Variants in MAP3K21 observed in about 807,000 individuals in gnomAD.
The protein encoded by MAP3K21 is mitogen-activated protein kinase kinase kinase MLK4.
MAP3K21 carries 63 observed loss-of-function variants against 86.1 expected under a neutral mutation model. The ratio of observed to expected loss-of-function variants is 0.73; its 90% CI spans 0.60 to 0.90. The LOEUF (loss-of-function observed/expected upper bound fraction) is 0.90, where lower values mean the gene tolerates loss of function less well. Ranked by LOEUF, MAP3K21 falls within the 40% of genes least tolerant of loss-of-function variation. The probability of loss-of-function intolerance (pLI) is 0.00; values close to 1 mark genes in which losing one functional copy is unlikely to be tolerated. For synonymous variants in MAP3K21, 558 were observed against 564.8 expected (o/e 0.99, Z 0.17); for missense variants, 1,220 against 1,367.7 (o/e 0.89, Z 1.70).
chr1:233,352,578 G>A (rs1213287500), intron 2 of MAP3K21, among the ~76,000 whole-genome samples: 3 of 151,868 alleles, frequency 2.0e-5, no homozygotes, highest in African/African-American at 4.8e-5. Flanking sequence ...CTGCAGGCAC[G>A]CACCACCATG....
chr1:233,346,589 C>T lies in MAP3K21; in HGVS notation c.953C>T (p.Ser318Phe), dbSNP rs1663146032. ...YAWMAPEVIKSSLFSKGSDIW... is the reference protein window; with the variant it reads ...YAWMAPEVIKFSLFSKGSDIW... ...TGGATGGCCCCCGAAGTGATCAAGTCTTCCTTGTTTTCTAAGGGAAGCGAC... is the reference window on the plus strand; with the variant it reads ...TGGATGGCCCCCGAAGTGATCAAGTTTTCCTTGTTTTCTAAGGGAAGCGAC... The change falls in exon 2 of 10, where the codon TCT (serine) becomes TTT (phenylalanine). Residue 318 changes from serine to phenylalanine, a missense_variant. Transcript: ENST00000366624. The T allele has an allele frequency of 1.2e-6, 2 of 1,613,770 alleles. No individual in the cohort carries two copies. The highest frequency in any genetic ancestry group is 1.7e-5 in the Admixed American group (1 of 59,906).
At chr1:233,375,521 C>T (rs1663775950) in intron 6 of MAP3K21, among the ~76,000 whole-genome samples, 1 of 152,026 alleles carries the variant, frequency 6.6e-6, no homozygotes, top group South Asian at 2.1e-4. Flanking sequence ...ATGTTTGTGC[C>T]TCTAGGTCAA....
intron 2 of MAP3K21, among the ~76,000 whole-genome samples, chr1:233,350,337 G>T (rs903233445): frequency 6.6e-6 from 1 of 151,932 alleles, no homozygotes; most frequent in Non-Finnish European, 1.5e-5. Context: ...AGAAACTACC[G>T]ATCCCTGGCG....
At chr1:233,378,686 C>T (rs769707338) in intron 8 of MAP3K21, among the ~76,000 whole-genome samples, 7 of 152,028 alleles carry the variant, frequency 4.6e-5, no homozygotes, top group African/African-American at 1.4e-4. Flanking sequence ...AACAGCTTCC[C>T]GAAGCATAGG....
intron 1 of MAP3K21, among the ~76,000 whole-genome samples, chr1:233,337,261 A>G (rs1249037893): frequency 6.6e-6 from 1 of 152,210 alleles, no homozygotes; most frequent in African/African-American, 2.4e-5. Flanking sequence ...CAGTGTTCCA[A>G]TAAAACTTTA....
intron 5 of MAP3K21, among the ~76,000 whole-genome samples, chr1:233,371,579 C>T (rs370642101): frequency 1.3e-5 from 2 of 152,052 alleles, no homozygotes; most frequent in African/African-American, 4.8e-5. Flanking sequence ...AGGCTGGTCT[C>T]GAACTTCTAG....
chr1:233,343,327 C>T (rs1663073536), intron 1 of MAP3K21, among the ~76,000 whole-genome samples: 1 of 152,182 alleles, frequency 6.6e-6, no homozygotes, highest in Non-Finnish European at 1.5e-5. Flanking sequence ...ATTACCATGT[C>T]TCAGCCACTG....
chr1:233,379,041 C>G lies in MAP3K21; in HGVS notation c.2035C>G (p.Gln679Glu). 3 of 1,614,192 alleles carry G rather than the reference C, an allele frequency of 1.9e-6. No homozygotes were observed. Among genetic ancestry groups the G allele is most frequent in the South Asian group, 2.2e-5 (2 of 91,084 alleles). The part of the protein sequence containing the change: ...YIDLPLGKDA[Q>E]RENPAEAESW... ...TGATCTACCTCTTGGGAAAGATGCT[C>G]AGAGAGAGAATCCTGCAGAAGCTGA... The change falls in exon 9 of 10, where the codon CAG becomes GAG. Residue 679 changes from glutamine to glutamate, a missense_variant. By Grantham distance (29) the Gln-to-Glu change is conservative. Transcript: ENST00000366624.
chr1:233,357,753 A>C (rs1335854443), intron 4 of MAP3K21, among the ~76,000 whole-genome samples: 3 of 152,302 alleles, frequency 2.0e-5, no homozygotes, highest in East Asian at 1.9e-4. Flanking sequence ...CTGCCCATGC[A>C]TGGGGAGGAC....
intron 5 of MAP3K21, 91 bp downstream of exon 5, chr1:233,362,384 G>A: frequency 7.1e-7 from 1 of 1,409,748 alleles, no homozygotes; most frequent in Non-Finnish European, 9.8e-7. Flanking sequence ...AAAGAGATAG[G>A]GAAGTAACTT....
At chr1:233,338,132 T>C (rs1662951034) in intron 1 of MAP3K21, among the ~76,000 whole-genome samples, 1 of 152,220 alleles carries the variant, frequency 6.6e-6, no homozygotes, top group Admixed American at 6.5e-5. Context: ...TAAGTGATTT[T>C]CTCATTAAAA....
In MAP3K21 at chr1:233,384,440, C is replaced by T. The variant is rs1572261788; in HGVS notation, c.*1729C>T. 1 of 152,132 alleles carries T rather than the reference C, an allele frequency of 6.6e-6. No individual in the cohort carries two copies. The highest frequency in any genetic ancestry group is 1.5e-5 in the Non-Finnish European group (1 of 68,014). The allele number at this position is 152,132 out of a possible 1,614,324, so 9.4% of individuals were successfully genotyped here. A position where few individuals can be genotyped will look rare whatever the true frequency, so the allele number is the denominator to read the frequency against. On this transcript the variant is annotated 3_prime_UTR_variant, in exon 10 of 10. Transcript: ENST00000366624. Reference sequence around the variant, plus strand: ...TTGTTTTATCATCTGTTCTATGATTCGGCTTCACTTTGTGTGGTTATTGAA... The same window carrying T: ...TTGTTTTATCATCTGTTCTATGATTTGGCTTCACTTTGTGTGGTTATTGAA...
At chr1:233,371,749 T>TTGTGTGTGTGTGTGTGTG (rs71574858) in intron 5 of MAP3K21, among the ~76,000 whole-genome samples, 13 of 147,774 alleles carry the variant, frequency 8.8e-5, no homozygotes, top group African/African-American at 3.0e-4. Flanking sequence ...ATATTTTCCT[T>TTGTGTGTGTGTGTGTGTG]TGTGTGTGTG....
chr1:233,352,900 G>A (rs1212232770), intron 2 of MAP3K21, among the ~76,000 whole-genome samples: 2 of 152,194 alleles, frequency 1.3e-5, no homozygotes, highest in African/African-American at 4.8e-5. Flanking sequence ...TACTGACTTG[G>A]ATAGCAGAAG....
intron 5 of MAP3K21, among the ~76,000 whole-genome samples, chr1:233,370,077 T>G (rs771764327): frequency 9.9e-5 from 15 of 152,052 alleles, no homozygotes; most frequent in Non-Finnish European, 1.0e-4. Context: ...GGGGGCCAAA[T>G]GTGGATGCAG....
At chr1:233,338,665 C>G (rs1022895237) in intron 1 of MAP3K21, among the ~76,000 whole-genome samples, 16 of 152,062 alleles carry the variant, frequency 1.1e-4, no homozygotes, top group African/African-American at 3.9e-4. Flanking sequence ...AAACAAGAGG[C>G]CAGTGTGCTG....
rs1204722024 is a variant in MAP3K21, at chr1:233,384,329, T to C, written c.*1618T>C. On this transcript the variant is annotated 3_prime_UTR_variant, in exon 10 of 10. Coordinates refer to ENST00000366624, the MANE Select transcript of MAP3K21 (RefSeq NM_032435.3). ...GATGAGAAACAGTATGAAAGGATTG[T>C]ATTAACATGGTAAGTTTTGCCCTAA... 9.2e-5 allele frequency: 14 copies of C among 152,250 alleles called. No individual in the cohort carries two copies. Among genetic ancestry groups the C allele is most frequent in the Non-Finnish European group, 4.4e-5 (3 of 68,026 alleles). The allele number at this position is 152,250 out of a possible 1,614,324, so 9.4% of individuals were successfully genotyped here.
intron 1 of MAP3K21, among the ~76,000 whole-genome samples, chr1:233,330,521 A>G (rs745762236): frequency 1.8e-4 from 27 of 152,292 alleles, no homozygotes; most frequent in Middle Eastern, 6.8e-3. Flanking sequence ...CATAAGCCCT[A>G]TTTCCAATGG....
chr1:233,348,563 A>G (rs753193974), intron 2 of MAP3K21, among the ~76,000 whole-genome samples: 1 of 152,188 alleles, frequency 6.6e-6, no homozygotes, highest in African/African-American at 2.4e-5. Flanking sequence ...TTGAAGAAGC[A>G]TTAGACCATT....
Sources: gnomAD v4.1 joint callset for allele counts (sites outside exome capture counted in the v4.1 genomes callset) on GRCh38, gnomAD v4.1.1 for gene constraint, MANE v1.5 for transcripts, NCBI Gene and HGNC (gene_info 2026-07-23, HGNC 2026-07-21) for gene names.